ACLY: variants seen among roughly 807,000 people sequenced by gnomAD.
ACLY encodes the protein ATP citrate lyase.
A neutral mutation model predicts 133.0 loss-of-function variants in ACLY; 41 were observed. That is an observed-to-expected ratio of 0.31 (90% confidence interval 0.24 to 0.40). The LOEUF is 0.40. Among genes scored for constraint, ACLY ranks in the 10% least tolerant of loss-of-function variants. ACLY has a pLI of 1.00. For missense variants in ACLY, 1,046 were observed against 1,453.8 expected (o/e 0.72, Z 4.56); for synonymous variants, 495 against 549.3 (o/e 0.90, Z 1.38).
intron 22 of ACLY, 54 bp downstream of exon 22, chr17:41,878,049 A>G: frequency 7.6e-7 from 1 of 1,320,338 alleles, no homozygotes; most frequent in Non-Finnish European, 1.0e-6. Flanking sequence ...ACCCACCACC[A>G]TAGACCCACA....
Position 41,874,573 on chromosome 17 carries a change from T to G in ACLY, c.2488-608A>C, listed in dbSNP as rs546031338. 5.0e-5 allele frequency among the ~76,000 whole-genome samples: 7 copies of G among 139,038 alleles called. No individual in the cohort carries two copies. The South Asian group carries it at 6.9e-4, about 14-fold the overall frequency. The allele number at this position is 139,038 out of a possible 152,430, so 91.2% of individuals were successfully genotyped here. On this transcript the variant is annotated intron_variant, in intron 22 of 28. Coordinates refer to ENST00000352035, the MANE Select transcript of ACLY (RefSeq NM_001096.3). Reference sequence around the variant, plus strand: ...CAGGCGTGAGACCCAGTCCATTGCTTCTTTTTTTTTTTTTTTTTGAGACGC... The same window carrying G: ...CAGGCGTGAGACCCAGTCCATTGCTGCTTTTTTTTTTTTTTTTTGAGACGC...
intron 16 of ACLY, among the ~76,000 whole-genome samples, chr17:41,891,684 A>G (rs921775262): frequency 6.6e-6 from 1 of 151,606 alleles, no homozygotes; most frequent in Non-Finnish European, 1.5e-5. Context: ...TGCCCAGCGT[A>G]TATTTTATTT....
chr17:41,879,725 T>G (rs2048865267), intron 20 of ACLY, among the ~76,000 whole-genome samples: 1 of 141,840 alleles, frequency 7.1e-6, no homozygotes, highest in Non-Finnish European at 1.5e-5. Context: ...TCTTTCTTTC[T>G]TTTTTTTTTC....
At chr17:41,910,407 T>A in intron 3 of ACLY, 123 bp from the exon 4 acceptor site, 1 of 792,578 alleles carries the variant, frequency 1.3e-6, no homozygotes, top group East Asian at 2.7e-5. Context: ...CAAAGAGAGA[T>A]TTTTCCAGAA....
chr17:41,905,066 C>A (rs1231987873), intron 9 of ACLY, among the ~76,000 whole-genome samples: 1 of 152,124 alleles, frequency 6.6e-6, no homozygotes, highest in Non-Finnish European at 1.5e-5. Context: ...TTCTAGATAT[C>A]TCTGGAGGGA....
intron 11 of ACLY, among the ~76,000 whole-genome samples, chr17:41,900,888 C>T (rs12951392): frequency 0.037 from 5,567 of 152,114 alleles, 360 homozygotes; most frequent in African/African-American, 0.13. Context: ...TTGCCCTTCC[C>T]TCTCCAAGAG....
chr17:41,867,790 C>T lies in ACLY; in HGVS notation c.*20G>A. On this transcript the variant is annotated 3_prime_UTR_variant, in exon 29 of 29. Coordinates refer to ENST00000352035, the MANE Select transcript of ACLY (RefSeq NM_001096.3). Reference sequence around the variant, plus strand: ...AAGAGATCTTGTCTTCAGTTTACTGCAGTAGGGTTCCTGGCTCTGTTACAT... The same window carrying T: ...AAGAGATCTTGTCTTCAGTTTACTGTAGTAGGGTTCCTGGCTCTGTTACAT... 6.3e-7 allele frequency: 1 copy of T among 1,586,782 alleles called. No homozygotes were observed. Among genetic ancestry groups the T allele is most frequent in the Non-Finnish European group, 8.6e-7 (1 of 1,161,150 alleles).
At position 41,900,069 on chromosome 17, in the gene ACLY, C is replaced by CAAAAAAAAAAAAAAAAAAAAAA. The variant is rs60296550; in HGVS notation, c.1184-1306_1184-1285dup. Among the ~76,000 whole-genome samples the CAAAAAAAAAAAAAAAAAAAAAA allele has an allele frequency of 7.7e-4, 36 of 46,630 alleles. 4 individuals carry two copies. The highest frequency in any genetic ancestry group is 1.5e-3 in the South Asian group (1 of 682). The allele number at this position is 46,630 out of a possible 152,430, so 30.6% of individuals were successfully genotyped here. On this transcript the variant is annotated intron_variant, in intron 11 of 28. Transcript: ENST00000352035. ...GGGTGACAGAGTGAGACCCTGTCTCCAAAAAAAAAAAAAAAAAAAAAAAAA... is the reference window on the plus strand; with the variant it reads ...GGGTGACAGAGTGAGACCCTGTCTCCAAAAAAAAAAAAAAAAAAAAAAAAAAAAAAAAAAAAAAAAAAAAAAA...
intron 14 of ACLY, among the ~76,000 whole-genome samples, chr17:41,894,068 G>A (rs928219098): frequency 6.6e-6 from 1 of 151,906 alleles, no homozygotes; most frequent in Non-Finnish European, 1.5e-5. Context: ...ACAACAATTA[G>A]CTGGGTGTGG....
In ACLY at chr17:41,873,791, C is replaced by A. The variant is rs2048660972; in HGVS notation, c.2642+20G>T. ...ACTCTGAGCTGCAGGGCCCTGTAAT[C>A]TTCTGCCCTCCATGCTCACCTTTTC... On this transcript the variant is annotated intron_variant, in intron 23 of 28. Transcript: ENST00000352035. 1 of 1,540,950 alleles carries A rather than the reference C, an allele frequency of 6.5e-7. No individual in the cohort carries two copies. The highest frequency in any genetic ancestry group is 1.2e-5 in the South Asian group (1 of 82,378).
chr17:41,915,406 G>A (rs1324475351), intron 1 of ACLY, among the ~76,000 whole-genome samples: 2 of 152,178 alleles, frequency 1.3e-5, no homozygotes, highest in South Asian at 2.1e-4. Flanking sequence ...TTGTTTACAC[G>A]TGCTGGAAGT....
rs1555624183 is a variant in ACLY, at chr17:41,867,803, G to A, written c.*7C>T. ...TTCAGTTTACTGCAGTAGGGTTCCT[G>A]GCTCTGTTACATGCTCATGTGTTCC... On this transcript the variant is annotated 3_prime_UTR_variant, in exon 29 of 29. Transcript: ENST00000352035. 10 of 1,603,416 alleles carry A rather than the reference G, an allele frequency of 6.2e-6. No individual in the cohort carries two copies. The highest frequency in any genetic ancestry group is 8.5e-6 in the Non-Finnish European group (10 of 1,174,220).
At position 41,870,646 on chromosome 17, in the gene ACLY, A is replaced by T. The variant is rs2048573821; in HGVS notation, c.2937+1043T>A. On this transcript the variant is annotated intron_variant, in intron 25 of 28. Coordinates refer to ENST00000352035, the MANE Select transcript of ACLY (RefSeq NM_001096.3). ...CTTTGGTTTCTAACCAAAGCACAAT[A>T]TAAGGACATAGAAATGACCGGCCCT... 3 of 152,214 alleles carry T rather than the reference A, an allele frequency of 2.0e-5. 1 individual carries two copies. The South Asian group carries it at 6.2e-4, about 31-fold the overall frequency. The allele number at this position is 152,214 out of a possible 1,614,324, so 9.4% of individuals were successfully genotyped here.
chr17:41,926,104 G>A (rs1336621461), intron 1 of ACLY, among the ~76,000 whole-genome samples: 1 of 151,958 alleles, frequency 6.6e-6, no homozygotes, highest in Non-Finnish European at 1.5e-5. Flanking sequence ...CTTGGCCTCC[G>A]AAAGTGCTGG....
rs189537029 is a variant in ACLY at position 41,917,833 on chromosome 17, C to G, written c.-24+1047G>C. On this transcript the variant is annotated intron_variant, in intron 1 of 28. Coordinates refer to ENST00000352035, the MANE Select transcript of ACLY (RefSeq NM_001096.3). ...CCCCCCAAGCTGTTTAGGAAGGTTT[C>G]TAAGAGGTGAAAATCACCCATCTGG... 3.9e-5 allele frequency among the ~76,000 whole-genome samples: 6 copies of G among 152,174 alleles called. No individual in the cohort carries two copies. The East Asian group carries it at 1.2e-3, about 29-fold the overall frequency.
At position 41,909,699 on chromosome 17, in the gene ACLY, G is replaced by T; in HGVS notation, c.347C>A (p.Ala116Asp). Residue 116 changes from alanine (A) to aspartate (D), a missense_variant and splice_region_variant, in exon 5 of 29, where the codon GCT (alanine) becomes GAT (aspartate). By Grantham distance (126) the Ala-to-Asp change is moderately radical. Coordinates refer to ENST00000352035, the MANE Select transcript of ACLY (RefSeq NM_001096.3). ...LIEPFVPHSQ[A>D]EEFYVCIYAT... ...ATAGATGCAGACATAGAACTCCTCA[G>T]CCTTGCAGGTGAAGAGACAGGACAG... 6.2e-7 allele frequency: 1 copy of T among 1,613,948 alleles called. No individual in the cohort carries two copies. The highest frequency in any genetic ancestry group is 1.1e-5 in the South Asian group (1 of 91,080).
chr17:41,905,569 T>C lies in ACLY; in HGVS notation c.956A>G (p.Tyr319Cys). ...CATGAGGGAGAGGATAGTCTTGGCA[T>C]AGTCATAGGTCTGCTGCTCGCTGGG... Reference protein sequence around the residue: ...GAPSEQQTYDYAKTILSLMTR... With the variant: ...GAPSEQQTYDCAKTILSLMTR... Residue 319 changes from tyrosine (Y) to cysteine (C), a missense_variant, in exon 9 of 29, where the codon TAT becomes TGT. Physicochemically the swap from Tyr to Cys is radical, Grantham distance 194. Transcript: ENST00000352035. 1 of 1,614,178 alleles carries C rather than the reference T, an allele frequency of 6.2e-7. No homozygotes were observed. The highest frequency in any genetic ancestry group is 8.5e-7 in the Non-Finnish European group (1 of 1,180,034).
chr17:41,910,106 G>T, intron 4 of ACLY, 116 bp downstream of exon 4: 1 of 1,063,960 alleles, frequency 9.4e-7, no homozygotes. Context: ...TGCAGCTTCA[G>T]GGACCCTGGT....
At chr17:41,930,149 G>GT (rs1441758491) in intron 1 of ACLY, among the ~76,000 whole-genome samples, 2 of 152,184 alleles carry the variant, frequency 1.3e-5, no homozygotes, top group African/African-American at 4.8e-5. Flanking sequence ...TATTTTCCAT[G>GT]TTTTCTTATG....
Sources: gnomAD v4.1 joint callset for allele counts (sites outside exome capture counted in the v4.1 genomes callset) on GRCh38, gnomAD v4.1.1 for gene constraint, MANE v1.5 for transcripts, NCBI Gene and HGNC (gene_info 2026-07-23, HGNC 2026-07-21) for gene names.